ODF4: variants seen among roughly 807,000 people sequenced by gnomAD.
The protein encoded by ODF4 is outer dense fiber protein 4.
A neutral mutation model predicts 17.0 loss-of-function variants in ODF4; 11 were observed. The observed-to-expected ratio is 0.65, with a 90% CI of 0.41 to 1.07. ODF4 has a LOEUF of 1.07. Among genes scored for constraint, ODF4 ranks in the 50% least tolerant of loss-of-function variants. ODF4 has a pLI of 0.00. For synonymous variants in ODF4, 127 were observed against 121.8 expected (o/e 1.04, Z -0.28); for missense variants, 281 against 310.2 (o/e 0.91, Z 0.71).
Position 8,339,954 on chromosome 17 carries a change from G to A in ODF4, c.-98G>A, listed in dbSNP as rs1905936255. 1 of 718,462 alleles carries A rather than the reference G, an allele frequency of 1.4e-6. No homozygotes were observed. The highest frequency in any genetic ancestry group is 2.7e-5 in the East Asian group (1 of 37,338). The allele number at this position is 718,462 out of a possible 1,614,324, so 44.5% of individuals were successfully genotyped here. A position where few individuals can be genotyped will look rare whatever the true frequency, so the allele number is the denominator to read the frequency against. On this transcript the variant is annotated 5_prime_UTR_variant, in exon 1 of 3. Coordinates refer to ENST00000328248, the MANE Select transcript of ODF4 (RefSeq NM_153007.5). ...TTCCTCATTCTTTCTCAGACCTCAG[G>A]CTGCATGGTGGCAGCTGATGAAAAT...
At position 8,343,995 on chromosome 17, in the gene ODF4, C is replaced by T. The variant is rs552654208; in HGVS notation, c.455-1348C>T. On this transcript the variant is annotated intron_variant, in intron 1 of 2. Coordinates refer to ENST00000328248, the MANE Select transcript of ODF4 (RefSeq NM_153007.5). ...GTAGCGATGGGGTTTCACCATGTTG[C>T]CCAGGCTGGTCTCGAACTCCTGATC... 3.4e-5 allele frequency among the ~76,000 whole-genome samples: 4 copies of T among 116,680 alleles called. 2 individuals are homozygous for T. Among genetic ancestry groups the T allele is most frequent in the South Asian group, 5.5e-4 (2 of 3,630 alleles). The allele number at this position is 116,680 out of a possible 152,430, so 76.5% of individuals were successfully genotyped here.
In ODF4 at chr17:8,344,421, T is replaced by C. The variant is rs1906147287; in HGVS notation, c.455-922T>C. Among the ~76,000 whole-genome samples the C allele has an allele frequency of 1.6e-5, 2 of 128,678 alleles. 1 individual carries two copies. The highest frequency in any genetic ancestry group is 6.4e-5 in the African/African-American group (2 of 31,178). The allele number at this position is 128,678 out of a possible 152,430, so 84.4% of individuals were successfully genotyped here. A position where few individuals can be genotyped will look rare whatever the true frequency, so the allele number is the denominator to read the frequency against. On this transcript the variant is annotated intron_variant, in intron 1 of 2. Transcript: ENST00000328248. The stretch of plus-strand genomic sequence containing the variant: ...CAAGGATCTCGGATTGTTTAAGAAG[T>C]GAAAGCAATATTTCATTTTTATTTC...
chr17:8,341,114 C>T (rs1432843672), intron 1 of ODF4, among the ~76,000 whole-genome samples: 2 of 151,452 alleles, frequency 1.3e-5, no homozygotes, highest in South Asian at 2.1e-4. Context: ...TGCTTGAACC[C>T]GGGAGGTGGA....
At chr17:8,340,987 G>A (rs548998116) in intron 1 of ODF4, among the ~76,000 whole-genome samples, 9 of 151,916 alleles carry the variant, frequency 5.9e-5, no homozygotes, top group East Asian at 3.9e-4. Context: ...TTGGGAGATC[G>A]AGACCATCCT....
intron 1 of ODF4, chr17:8,344,923 G>A (rs780972206): frequency 1.4e-5 from 14 of 999,994 alleles, no homozygotes; most frequent in Non-Finnish European, 1.7e-5. Flanking sequence ...GCTAAGTTAA[G>A]CTTCAACCTG....
chr17:8,340,651 G>A (rs1372141974), intron 1 of ODF4, 146 bp downstream of exon 1: 1 of 605,518 alleles, frequency 1.7e-6, no homozygotes, highest in Non-Finnish European at 2.9e-6. Flanking sequence ...TGAGACCTCC[G>A]ATGATCGTTT....
chr17:8,340,225 G>A lies in ODF4; in HGVS notation c.174G>A (p.Leu58=), dbSNP rs757822814. Residue 58 remains leucine, a synonymous_variant, in exon 1 of 3, where the codon TTG becomes TTA. Transcript: ENST00000328248. ...STLSLSSNRS[L]GQRQNSPLPF... is the part of the protein sequence containing the mutation. ...TCTCCCTCAGTAGTAACAGGTCCTT[G>A]GGCCAGCGCCAGAACTCTCCGCTGC... 5.6e-6 allele frequency: 9 copies of A among 1,614,050 alleles called. No homozygotes were observed. The highest frequency in any genetic ancestry group is 7.6e-6 in the Non-Finnish European group (9 of 1,179,956).
chr17:8,341,676 T>C (rs1301926117), intron 1 of ODF4, among the ~76,000 whole-genome samples: 1 of 152,090 alleles, frequency 6.6e-6, no homozygotes, highest in African/African-American at 2.4e-5. Flanking sequence ...GTTGTTAGTC[T>C]CTGGTTATGC....
chr17:8,340,275 G>A lies in ODF4; in HGVS notation c.224G>A (p.Ser75Asn). The A allele has an allele frequency of 6.2e-7, 1 of 1,614,098 alleles. No individual in the cohort carries two copies. Among genetic ancestry groups the A allele is most frequent in the Non-Finnish European group, 8.5e-7 (1 of 1,179,980 alleles). Residue 75 changes from serine (S) to asparagine (N), a missense_variant, in exon 1 of 3, where the codon AGC (serine) becomes AAC (asparagine). By Grantham distance (46) the Ser-to-Asn change is conservative. Transcript: ENST00000328248. ...CCCTTTCAATGGAGAATCACACACA[G>A]CTTCCGCTGGATGGCCCAGGTGTTG... ...PLPFQWRITHSFRWMAQVLAS... is the reference protein window; with the variant it reads ...PLPFQWRITHNFRWMAQVLAS...
rs1905958999 is a variant in ODF4, at chr17:8,340,351, C to T, written c.300C>T (p.Phe100=). The T allele has an allele frequency of 1.2e-6, 2 of 1,612,844 alleles. No individual in the cohort carries two copies. Among genetic ancestry groups the T allele is most frequent in the Non-Finnish European group, 1.7e-6 (2 of 1,179,474 alleles). The change falls in exon 1 of 3, where the codon TTC becomes TTT. Residue 100 remains phenylalanine (F), a synonymous_variant. Coordinates refer to ENST00000328248, the MANE Select transcript of ODF4 (RefSeq NM_153007.5). ...TTATCCTACTATTGGTCGTGGCCTT[C>T]TCCAAGAAATGGCTGGACCTCTCTA... is the stretch of plus-strand genomic sequence containing the variant. ...VAFILLLVVA[F]SKKWLDLSRS...
In ODF4 at chr17:8,340,520, C is replaced by T. The variant is rs1905969367; in HGVS notation, c.454+15C>T. 2.6e-6 allele frequency: 4 copies of T among 1,536,668 alleles called. No individual in the cohort carries two copies. Among genetic ancestry groups the T allele is most frequent in the South Asian group, 1.1e-5 (1 of 89,210 alleles). ...GAATGGGAAAGGTGAGCCCCTCCACCCCCCATCCCAGCCCAGGCCGCCAGC... is the reference window on the plus strand; with the variant it reads ...GAATGGGAAAGGTGAGCCCCTCCACTCCCCATCCCAGCCCAGGCCGCCAGC... On this transcript the variant is annotated intron_variant, in intron 1 of 2. Coordinates refer to ENST00000328248, the MANE Select transcript of ODF4 (RefSeq NM_153007.5).
At chr17:8,342,322 A>C (rs1300244356) in intron 1 of ODF4, among the ~76,000 whole-genome samples, 3 of 152,008 alleles carry the variant, frequency 2.0e-5, no homozygotes, top group Non-Finnish European at 4.4e-5. Context: ...AGGTCACTGC[A>C]ACCTCTGCCT....
Position 8,340,045 on chromosome 17 carries a change from GCTCAAGATGGATGCAGAGTA to G in ODF4, c.-3_17del. The G allele has an allele frequency of 6.6e-7, 1 of 1,506,470 alleles. No individual in the cohort carries two copies. The highest frequency in any genetic ancestry group is 2.3e-5 in the East Asian group (1 of 43,860). 93.3% of individuals were successfully genotyped at this position (1,506,470 alleles called of 1,614,324 possible). A position where few individuals can be genotyped will look rare whatever the true frequency, so the allele number is the denominator to read the frequency against. ...AAGGGGAGACAGAGGGTGAAGTGGT[GCTCAAGATGGATGCAGAGTA>G]CTCTGGGAATGAGTTCCCCAGGTCA... is the stretch of plus-strand genomic sequence containing the variant. On this transcript the variant is annotated start_lost and 5_prime_UTR_variant, in exon 1 of 3. Coordinates refer to ENST00000328248, the MANE Select transcript of ODF4 (RefSeq NM_153007.5).
At position 8,339,953 on chromosome 17, in the gene ODF4, G is replaced by A; in HGVS notation, c.-99G>A. The stretch of plus-strand genomic sequence containing the variant: ...CTTCCTCATTCTTTCTCAGACCTCA[G>A]GCTGCATGGTGGCAGCTGATGAAAA... On this transcript the variant is annotated 5_prime_UTR_variant, in exon 1 of 3. Coordinates refer to ENST00000328248, the MANE Select transcript of ODF4 (RefSeq NM_153007.5). 1 of 713,710 alleles carries A rather than the reference G, an allele frequency of 1.4e-6. No individual in the cohort carries two copies. The highest frequency in any genetic ancestry group is 2.7e-5 in the East Asian group (1 of 37,290). The allele number at this position is 713,710 out of a possible 1,614,324, so 44.2% of individuals were successfully genotyped here.
Position 8,345,796 on chromosome 17 carries a change from A to T in ODF4, c.718A>T (p.Thr240Ser). ...ESPRAQTITDTPITQEGVLDP... is the reference protein window; with the variant it reads ...ESPRAQTITDSPITQEGVLDP... ...TCCAAGGGCACAGACGATCACAGAC[A>T]CCCCCATCACCCAGGAGGGAGTCCT... Residue 240 changes from threonine to serine, a missense_variant, in exon 3 of 3, where the codon ACC becomes TCC. By Grantham distance (58) the Thr-to-Ser change is moderately conservative (BLOSUM62 1). Coordinates refer to ENST00000328248, the MANE Select transcript of ODF4 (RefSeq NM_153007.5). The surrounding 1 kb of genome is among the most constrained non-coding windows in gnomAD (Gnocchi z 4.1). 1 of 1,613,880 alleles carries T rather than the reference A, an allele frequency of 6.2e-7. No homozygotes were observed. The highest frequency in any genetic ancestry group is 8.5e-7 in the Non-Finnish European group (1 of 1,179,950).
Position 8,345,686 on chromosome 17 carries a change from A to T in ODF4, c.608A>T (p.Asn203Ile), listed in dbSNP as rs772941643. The T allele has an allele frequency of 1.3e-5, 21 of 1,613,838 alleles. No individual in the cohort carries two copies. The highest frequency in any genetic ancestry group is 8.9e-5 in the East Asian group (4 of 44,876). ...TTCCCAGCGATCCTTTGCTACTTCA[A>T]CCATAAAAGTTTCTGGAGTCTGATT... ...YFTCAILCYF[N>I]HKSFWSLILS... Residue 203 changes from asparagine (N) to isoleucine (I), a missense_variant, in exon 3 of 3, where the codon AAC (asparagine) becomes ATC (isoleucine). Transcript: ENST00000328248. The surrounding 1 kb of genome is among the most constrained non-coding windows in gnomAD (Gnocchi z 4.1).
At chr17:8,344,987 C>T (rs747791265) in intron 1 of ODF4, 11 of 1,023,366 alleles carry the variant, frequency 1.1e-5, no homozygotes, top group Non-Finnish European at 9.3e-6. Flanking sequence ...CCTACCTGCC[C>T]GCTGTTCAAA....
intron 1 of ODF4, 35 bp downstream of exon 1, chr17:8,340,540 G>A (rs753315107): frequency 5.1e-6 from 7 of 1,363,558 alleles, no homozygotes; most frequent in South Asian, 3.6e-5. Context: ...AGCCCAGGCC[G>A]CCAGCCTGTC....
At position 8,340,402 on chromosome 17, in the gene ODF4, C is replaced by T. The variant is rs750499239; in HGVS notation, c.351C>T (p.Pro117=). ...LSRSLFYQRW[P]VDVSNRIHTS... ...GGAGCCTCTTCTACCAGCGCTGGCC[C>T]GTGGATGTCAGCAACAGAATCCACA... The change falls in exon 1 of 3, where the codon CCC becomes CCT. Residue 117 remains proline (P), a synonymous_variant. Coordinates refer to ENST00000328248, the MANE Select transcript of ODF4 (RefSeq NM_153007.5). 3.3e-5 allele frequency: 53 copies of T among 1,613,304 alleles called. No homozygotes were observed. The highest frequency in any genetic ancestry group is 1.9e-4 in the African/African-American group (14 of 74,896).
Sources: gnomAD v4.1 joint callset for allele counts (sites outside exome capture counted in the v4.1 genomes callset) on GRCh38, gnomAD v4.1.1 for gene constraint, Gnocchi (gnomAD v3.1) non-coding constraint, MANE v1.5 for transcripts, NCBI Gene and HGNC (gene_info 2026-07-23, HGNC 2026-07-21) for gene names.